FMNL2: variants seen among roughly 807,000 people sequenced by gnomAD.
FMNL2 encodes the protein formin-like protein 2.
In FMNL2, 51 loss-of-function variants were observed where a neutral mutation model predicts 130.2. The ratio of observed to expected loss-of-function variants is 0.39; its 90% CI spans 0.31 to 0.49. The LOEUF is 0.49. FMNL2 is among the 20% of genes least tolerant of loss of function. The pLI is 0.85. For missense variants in FMNL2, 977 were observed against 1,316.2 expected (o/e 0.74, Z 3.99); for synonymous variants, 465 against 467.1 (o/e 1.00, Z 0.06).
At chr2:152,647,596 A>T (rs2105996638) in intron 25 of FMNL2, among the ~76,000 whole-genome samples, 200 bp from the exon 26 acceptor site, 1 of 152,330 alleles carries the variant, frequency 6.6e-6, no homozygotes, top group East Asian at 1.9e-4. Context: ...TCCTACCAGT[A>T]TTACATCCTG....
chr2:152,573,068 A>T (rs1696269160), intron 6 of FMNL2, among the ~76,000 whole-genome samples: 1 of 152,236 alleles, frequency 6.6e-6, no homozygotes, highest in Non-Finnish European at 1.5e-5. Flanking sequence ...TTTTAAAATG[A>T]TTCTAAAATA....
At chr2:152,466,122 G>A (rs2105153473) in intron 1 of FMNL2, among the ~76,000 whole-genome samples, 1 of 152,178 alleles carries the variant, frequency 6.6e-6, no homozygotes, top group Middle Eastern at 3.4e-3. Flanking sequence ...TAAGGAGACT[G>A]GTTAGGAGAC....
At chr2:152,485,811 C>G (rs932453907) in intron 1 of FMNL2, among the ~76,000 whole-genome samples, 1 of 152,124 alleles carries the variant, frequency 6.6e-6, no homozygotes, top group Non-Finnish European at 1.5e-5. Context: ...GAGACTGCAT[C>G]CCCTCTCATT....
chr2:152,379,148 G>A (rs2105890427), intron 1 of FMNL2, among the ~76,000 whole-genome samples: 2 of 152,312 alleles, frequency 1.3e-5, no homozygotes, highest in South Asian at 4.1e-4. Context: ...TTTGTTTAGA[G>A]ACCGCTAATG....
At chr2:152,596,979 T>TG in intron 9 of FMNL2, among the ~76,000 whole-genome samples, 1 of 152,366 alleles carries the variant, frequency 6.6e-6, no homozygotes, top group Non-Finnish European at 1.5e-5. Context: ...GCACCTTGAA[T>TG]GAATTTATAA....
intron 1 of FMNL2, among the ~76,000 whole-genome samples, chr2:152,345,199 C>G (rs1682045460): frequency 6.6e-6 from 1 of 151,982 alleles, no homozygotes; most frequent in Non-Finnish European, 1.5e-5. Flanking sequence ...TAATAGGGAA[C>G]AGGGCAAGAG....
intron 1 of FMNL2, among the ~76,000 whole-genome samples, chr2:152,427,427 G>A (rs1019265860): frequency 1.3e-5 from 2 of 152,088 alleles, no homozygotes; most frequent in Admixed American, 6.6e-5. Context: ...TGCTCCTGTA[G>A]TCGCAGCTAC....
intron 1 of FMNL2, among the ~76,000 whole-genome samples, chr2:152,374,762 C>G (rs923629894): frequency 6.6e-6 from 1 of 152,192 alleles, no homozygotes; most frequent in Non-Finnish European, 1.5e-5. Context: ...GCTGCTAGAT[C>G]ATCGTCTAAT....
chr2:152,390,189 G>T (rs997087225), intron 1 of FMNL2: 213 of 1,325,290 alleles, frequency 1.6e-4, no homozygotes, highest in Admixed American at 1.5e-4. Context: ...GCTGGACCTG[G>T]TGGTCCCTTT....
At chr2:152,443,920 C>A (rs1688203083) in intron 1 of FMNL2, among the ~76,000 whole-genome samples, 1 of 152,080 alleles carries the variant, frequency 6.6e-6, no homozygotes, top group South Asian at 2.1e-4. Context: ...AAATTAAGTA[C>A]TAAAGAGGGT....
At chr2:152,644,744 T>C (rs4664120) in intron 25 of FMNL2, among the ~76,000 whole-genome samples, 30,731 of 152,212 alleles carry the variant, frequency 0.2, 3,998 homozygotes, top group Non-Finnish European at 0.3. Context: ...GATCAGATCA[T>C]ATCTTGACCT....
chr2:152,426,402 G>GT (rs1363285487), intron 1 of FMNL2, among the ~76,000 whole-genome samples: 1 of 152,214 alleles, frequency 6.6e-6, no homozygotes, highest in Admixed American at 6.5e-5. Flanking sequence ...ATAGCCCTTA[G>GT]TATGTTTTAT....
At chr2:152,555,804 A>G (rs1695173768) in intron 4 of FMNL2, among the ~76,000 whole-genome samples, 1 of 152,200 alleles carries the variant, frequency 6.6e-6, no homozygotes, top group East Asian at 1.9e-4. Context: ...AAAACCTATA[A>G]TCACCCAATT....
At chr2:152,598,853 C>T (rs1038710729) in intron 9 of FMNL2, among the ~76,000 whole-genome samples, 2 of 152,164 alleles carry the variant, frequency 1.3e-5, no homozygotes, top group African/African-American at 4.8e-5. Context: ...GAATTGCTCA[C>T]GTGGTTATGG....
intron 2 of FMNL2, among the ~76,000 whole-genome samples, chr2:152,533,904 G>A (rs1182569656): frequency 6.6e-6 from 1 of 151,954 alleles, no homozygotes; most frequent in Non-Finnish European, 1.5e-5. Context: ...CCAATTTTTT[G>A]TTCCTAGAGG....
intron 1 of FMNL2, among the ~76,000 whole-genome samples, chr2:152,392,177 T>G (rs1288206607): frequency 6.6e-6 from 1 of 152,176 alleles, no homozygotes; most frequent in Non-Finnish European, 1.5e-5. Flanking sequence ...TTTATAAATT[T>G]AAAATGTTTG....
chr2:152,361,193 T>C (rs1683150969), intron 1 of FMNL2, among the ~76,000 whole-genome samples: 1 of 152,192 alleles, frequency 6.6e-6, no homozygotes, highest in Admixed American at 6.5e-5. Flanking sequence ...TGATAACTTC[T>C]AATGTGTATC....
chr2:152,573,815 A>T (rs1474448251), intron 6 of FMNL2, among the ~76,000 whole-genome samples: 1 of 152,096 alleles, frequency 6.6e-6, no homozygotes, highest in Admixed American at 6.5e-5. Context: ...CAAGTTTCTC[A>T]TTTTTTTATT....
At chr2:152,375,877 C>A (rs13425748) in intron 1 of FMNL2, among the ~76,000 whole-genome samples, 16,267 of 111,594 alleles carry the variant, frequency 0.15, 1,267 homozygotes, top group African/African-American at 0.19. Context: ...CTCTCTCTCT[C>A]TATATATATA....
Sources: allele counts gnomAD v4.1 joint callset (sites outside exome capture counted in the v4.1 genomes callset), GRCh38; gene constraint gnomAD v4.1.1; transcripts MANE v1.5; gene names NCBI Gene and HGNC (gene_info 2026-07-23, HGNC 2026-07-21).